ENOX1: variants seen among roughly 807,000 people sequenced by gnomAD.
The protein encoded by ENOX1 is ecto-NOX disulfide-thiol exchanger 1, also known as candidate growth-related and time keeping constitutive hydroquinone (NADH) oxidase.
ENOX1 carries 42 observed loss-of-function variants against 82.5 expected under a neutral mutation model. The ratio of observed to expected loss-of-function variants is 0.51; its 90% CI spans 0.40 to 0.66. The LOEUF (loss-of-function observed/expected upper bound fraction) is 0.66. ENOX1 is among the 30% of genes least tolerant of loss of function. ENOX1 has a pLI of 0.00. For synonymous variants in ENOX1, 271 were observed against 282.2 expected (o/e 0.96, Z 0.40); for missense variants, 608 against 811.6 (o/e 0.75, Z 3.05).
At position 43,460,832 on chromosome 13, in the gene ENOX1, A is replaced by G. The variant is rs1337606482; in HGVS notation, c.-75+23177T>C. On this transcript the variant is annotated intron_variant, in intron 3 of 16. Transcript: ENST00000690772. ...AAAAAAAAAAAAAAAAAAAAAAAAT[A>G]GGGATAGCTCTCTACAAACCAAGGG... Among the ~76,000 whole-genome samples the G allele has an allele frequency of 8.1e-4, 16 of 19,772 alleles. 2 individuals carry two copies. The highest frequency in any genetic ancestry group is 7.2e-3 in the East Asian group (3 of 418). 13.0% of individuals were successfully genotyped at this position (19,772 alleles called of 152,430 possible).
chr13:43,288,148 C>T (rs1020532768), intron 12 of ENOX1, among the ~76,000 whole-genome samples: 1 of 152,152 alleles, frequency 6.6e-6, no homozygotes, highest in African/African-American at 2.4e-5. Context: ...AAATTACAAA[C>T]CCTGGAATAG....
chr13:43,267,713 A>G (rs1462207573), intron 13 of ENOX1, among the ~76,000 whole-genome samples: 1 of 152,216 alleles, frequency 6.6e-6, no homozygotes, highest in African/African-American at 2.4e-5. Flanking sequence ...TGTACCCTGC[A>G]TGGCCCCTTT....
At chr13:43,566,241 C>CA (rs2079914557) in intron 2 of ENOX1, among the ~76,000 whole-genome samples, 1 of 152,010 alleles carries the variant, frequency 6.6e-6, no homozygotes, top group African/African-American at 2.4e-5. Context: ...GTATTTGACA[C>CA]AAGATTTTTT....
At chr13:43,290,368 CAT>C (rs141606203) in intron 12 of ENOX1, among the ~76,000 whole-genome samples, 56 of 150,076 alleles carry the variant, frequency 3.7e-4, no homozygotes, top group African/African-American at 5.4e-4. Flanking sequence ...ATGGGATATA[CAT>C]ATATATATAT....
intron 1 of ENOX1, among the ~76,000 whole-genome samples, chr13:43,706,184 A>C (rs187546701): frequency 3.5e-4 from 53 of 152,132 alleles, no homozygotes; most frequent in Non-Finnish European, 6.5e-4. Flanking sequence ...GCTTATATTT[A>C]AAAAAGTAAG....
intron 2 of ENOX1, among the ~76,000 whole-genome samples, chr13:43,524,870 A>G (rs2077921901): frequency 6.6e-6 from 1 of 152,066 alleles, no homozygotes; most frequent in South Asian, 2.1e-4. Context: ...TGACACATTT[A>G]TTATCTGATT....
At chr13:43,472,830 C>T (rs967728821) in intron 3 of ENOX1, among the ~76,000 whole-genome samples, 4 of 152,164 alleles carry the variant, frequency 2.6e-5, no homozygotes, top group Non-Finnish European at 5.9e-5. Flanking sequence ...AAAAAATGTT[C>T]TAAGTACAGA....
intron 2 of ENOX1, among the ~76,000 whole-genome samples, chr13:43,591,987 G>C (rs1322593599): frequency 1.3e-5 from 2 of 151,764 alleles, no homozygotes. Flanking sequence ...TCCACAATGG[G>C]GGTGACTGGA....
intron 2 of ENOX1, among the ~76,000 whole-genome samples, chr13:43,576,415 C>T (rs1413163902): frequency 1.3e-5 from 2 of 152,166 alleles, no homozygotes; most frequent in African/African-American, 2.4e-5. Flanking sequence ...ACACTTATCA[C>T]ACTTAGAATT....
At chr13:43,667,053 A>C (rs140974485) in intron 2 of ENOX1, among the ~76,000 whole-genome samples, 2 of 152,328 alleles carry the variant, frequency 1.3e-5, no homozygotes, top group African/African-American at 4.8e-5. Context: ...CTTATTTCTA[A>C]AGAAAATGCA....
At chr13:43,744,507 G>A (rs112891076) in intron 1 of ENOX1, among the ~76,000 whole-genome samples, 196 of 152,138 alleles carry the variant, frequency 1.3e-3, no homozygotes, top group African/African-American at 4.4e-3. Context: ...AAGACCAAAT[G>A]GAATCCTAAA....
At chr13:43,661,784 T>A (rs2084744713) in intron 2 of ENOX1, among the ~76,000 whole-genome samples, 1 of 152,194 alleles carries the variant, frequency 6.6e-6, no homozygotes, top group African/African-American at 2.4e-5. Flanking sequence ...TTAGGACTGA[T>A]AAAAGGACTT....
intron 1 of ENOX1, among the ~76,000 whole-genome samples, chr13:43,722,073 A>G (rs535996464): frequency 4.6e-5 from 7 of 152,342 alleles, no homozygotes; most frequent in Non-Finnish European, 5.9e-5. Flanking sequence ...AAATTATTTC[A>G]TCAGCTTATT....
At chr13:43,705,125 A>G (rs2087168488) in intron 1 of ENOX1, among the ~76,000 whole-genome samples, 1 of 152,004 alleles carries the variant, frequency 6.6e-6, no homozygotes, top group African/African-American at 2.4e-5. Flanking sequence ...GAAAGGAGGA[A>G]CAGAGAAACA....
chr13:43,484,033 G>A lies in ENOX1; in HGVS notation c.-99C>T. 1 of 985,440 alleles carries A rather than the reference G, an allele frequency of 1.0e-6. No homozygotes were observed. Among genetic ancestry groups the A allele is most frequent in the Non-Finnish European group, 1.2e-6 (1 of 829,896 alleles). The allele number at this position is 985,440 out of a possible 1,614,324, so 61.0% of individuals were successfully genotyped here. Reference sequence around the variant, plus strand: ...CCTCAAAACTGCCAGCAGCTCAGAAGACAAATGTGTTCTCTGGGGACTTGA... The same window carrying A: ...CCTCAAAACTGCCAGCAGCTCAGAAAACAAATGTGTTCTCTGGGGACTTGA... On this transcript the variant is annotated 5_prime_UTR_variant, in exon 3 of 17. Coordinates refer to ENST00000690772, the MANE Select transcript of ENOX1 (RefSeq NM_001347969.2).
At chr13:43,488,112 T>C (rs577299691) in intron 2 of ENOX1, among the ~76,000 whole-genome samples, 1 of 152,320 alleles carries the variant, frequency 6.6e-6, no homozygotes, top group East Asian at 1.9e-4. Flanking sequence ...AATTCTCCTA[T>C]ACCCTCCCTG....
Position 43,341,934 on chromosome 13 carries a change from G to A in ENOX1, c.1036+2604C>T, listed in dbSNP as rs187748676. Among the ~76,000 whole-genome samples, 9 of 152,276 alleles carry A rather than the reference G, an allele frequency of 5.9e-5. No individual in the cohort carries two copies. The East Asian group carries it at 1.7e-3, about 29-fold the overall frequency. ...GATTTTTGGGCAAGTTTGCTTTCTT[G>A]CTATAATGACGCAACTCCTTCCTGT... On this transcript the variant is annotated intron_variant, in intron 9 of 16. Coordinates refer to ENST00000690772, the MANE Select transcript of ENOX1 (RefSeq NM_001347969.2).
At chr13:43,232,656 G>A (rs896650809) in intron 15 of ENOX1, among the ~76,000 whole-genome samples, 2 of 152,180 alleles carry the variant, frequency 1.3e-5, no homozygotes, top group African/African-American at 4.8e-5. Context: ...ATCTGCAGAG[G>A]ACTCAGGATA....
In ENOX1 at chr13:43,379,438, A is replaced by G. The variant is rs1190457138; in HGVS notation, c.209-17986T>C. Among the ~76,000 whole-genome samples, 3 of 152,112 alleles carry G rather than the reference A, an allele frequency of 2.0e-5. No individual in the cohort carries two copies. The East Asian group carries it at 5.8e-4, about 29-fold the overall frequency. ...GTGTTCCATGTGTTCAAGAAGGCAG[A>G]AGGGAGATTTAACATATTAAATAGA... On this transcript the variant is annotated intron_variant, in intron 5 of 16. Transcript: ENST00000690772.
Sources: allele counts gnomAD v4.1 joint callset (sites outside exome capture counted in the v4.1 genomes callset), GRCh38; gene constraint gnomAD v4.1.1; transcripts MANE v1.5; gene names NCBI Gene and HGNC (gene_info 2026-07-23, HGNC 2026-07-21).